The following THUMPD2 variants were observed in gnomAD, a reference collection of about 807,000 sequenced individuals.
The protein encoded by THUMPD2 is THUMP domain 2 tRNA and snRNA guanosine methyltransferase.
In THUMPD2, 56 loss-of-function variants were observed where a neutral mutation model predicts 49.4. The ratio of observed to expected loss-of-function variants is 1.13; its 90% CI spans 0.91 to 1.41. THUMPD2 has a LOEUF of 1.41. THUMPD2 is among the 40% of genes most tolerant of loss of function. The probability of loss-of-function intolerance (pLI) is 0.00; values close to 1 mark genes in which losing one functional copy is unlikely to be tolerated. For synonymous variants in THUMPD2, 237 were observed against 205.2 expected (o/e 1.15, Z -1.32); for missense variants, 709 against 594.5 (o/e 1.19, Z -2.00).
rs557549700 is a variant in THUMPD2 at position 39,760,274 on chromosome 2, T to C, written c.891+1057A>G. Among the ~76,000 whole-genome samples, 23 of 151,862 alleles carry C rather than the reference T, an allele frequency of 1.5e-4. 1 individual carries two copies. Among genetic ancestry groups the C allele is most frequent in the Admixed American group, 1.4e-3 (21 of 15,244 alleles). The stretch of plus-strand genomic sequence containing the variant: ...TCTTATGACAGGGAAGAGGGGGAAG[T>C]TGGGGAAAATTGGAGTGCCTTGGTA... On this transcript the variant is annotated intron_variant, in intron 6 of 9. Transcript: ENST00000505747.
chr2:39,779,068 G>C, intron 1 of THUMPD2, 46 bp downstream of exon 1: 1 of 1,471,964 alleles, frequency 6.8e-7, no homozygotes, highest in Non-Finnish European at 8.9e-7. Context: ...AACAGGGCAG[G>C]GACAGGGCCG....
At chr2:39,761,534 A>T in intron 5 of THUMPD2, 116 bp from the exon 6 acceptor site, 1 of 940,146 alleles carries the variant, frequency 1.1e-6, no homozygotes, top group Non-Finnish European at 1.6e-6. Context: ...CATACACTAA[A>T]GTATTCCCTA....
intron 2 of THUMPD2, 37 bp from the exon 3 acceptor site, chr2:39,770,156 C>G: frequency 2.9e-6 from 4 of 1,369,524 alleles, no homozygotes; most frequent in Non-Finnish European, 3.8e-6. Flanking sequence ...TCTATTGAAG[C>G]TTTAAAGACC....
rs1014360073 is a variant in THUMPD2, at chr2:39,757,256, C to T, written c.892-1296G>A. ...AGCAAGCAGGAACGTACCCCACTGT[C>T]AGGCCCAGTCGTGCTCGAGATAGGG... On this transcript the variant is annotated intron_variant, in intron 6 of 9. Coordinates refer to ENST00000505747, the MANE Select transcript of THUMPD2 (RefSeq NM_025264.5). 8.6e-6 allele frequency: 5 copies of T among 578,296 alleles called. No homozygotes were observed. In the African/African-American group the frequency reaches 9.7e-5, roughly 11 times the overall value. 35.8% of individuals were successfully genotyped at this position (578,296 alleles called of 1,614,324 possible). A position where few individuals can be genotyped will look rare whatever the true frequency, so the allele number is the denominator to read the frequency against.
At chr2:39,765,088 A>T (rs1329126756) in intron 5 of THUMPD2, among the ~76,000 whole-genome samples, 1 of 152,156 alleles carries the variant, frequency 6.6e-6, no homozygotes, top group Non-Finnish European at 1.5e-5. Context: ...TTTAAAAATG[A>T]GTTATTTTAT....
chr2:39,751,169 G>A (rs983637620), intron 8 of THUMPD2, among the ~76,000 whole-genome samples: 1 of 152,220 alleles, frequency 6.6e-6, no homozygotes, highest in Non-Finnish European at 1.5e-5. Flanking sequence ...AGAATACGGC[G>A]TGGGCCATAT....
chr2:39,764,777 G>C (rs1677286660), intron 5 of THUMPD2, among the ~76,000 whole-genome samples: 1 of 152,146 alleles, frequency 6.6e-6, no homozygotes, highest in Non-Finnish European at 1.5e-5. Flanking sequence ...TCATCACTGA[G>C]ACTGCTTCCT....
chr2:39,758,766 C>T (rs1037424116), intron 6 of THUMPD2, among the ~76,000 whole-genome samples: 1 of 145,936 alleles, frequency 6.9e-6, no homozygotes, highest in Non-Finnish European at 1.5e-5. Flanking sequence ...CAAAAACAAA[C>T]AAAAACCAAT....
chr2:39,754,763 T>C (rs1295932408), intron 8 of THUMPD2, among the ~76,000 whole-genome samples: 1 of 152,240 alleles, frequency 6.6e-6, no homozygotes, highest in East Asian at 1.9e-4. Context: ...GTTTTCCCTC[T>C]ACCTCACAGG....
At chr2:39,754,905 G>A (rs1035010005) in intron 8 of THUMPD2, among the ~76,000 whole-genome samples, 1 of 152,166 alleles carries the variant, frequency 6.6e-6, no homozygotes, top group Non-Finnish European at 1.5e-5. Flanking sequence ...AGGCAAGACA[G>A]TAAGATAATT....
chr2:39,760,259 G>C (rs1214283885), intron 6 of THUMPD2, among the ~76,000 whole-genome samples: 1 of 152,162 alleles, frequency 6.6e-6, no homozygotes, highest in East Asian at 1.9e-4. Context: ...TCTTATGACA[G>C]GGAAGAGGGG....
At chr2:39,744,659 G>A (rs1254538625) in intron 8 of THUMPD2, 181 bp from the exon 9 acceptor site, 2 of 438,104 alleles carry the variant, frequency 4.6e-6, no homozygotes, top group Non-Finnish European at 8.0e-6. Context: ...AATGATAAAT[G>A]ATAGTTATTG....
intron 4 of THUMPD2, among the ~76,000 whole-genome samples, chr2:39,767,212 ATATT>A (rs2148321512): frequency 6.6e-6 from 1 of 152,326 alleles, no homozygotes; most frequent in African/African-American, 2.4e-5. Context: ...TGAATTTGCT[ATATT>A]TATTTATGAG....
intron 1 of THUMPD2, among the ~76,000 whole-genome samples, chr2:39,777,752 A>T (rs1044620654): frequency 1.3e-5 from 2 of 152,118 alleles, no homozygotes; most frequent in African/African-American, 4.8e-5. Context: ...GCATTTAATT[A>T]CTCCCACTGT....
At chr2:39,765,410 G>A (rs373365788) in intron 5 of THUMPD2, among the ~76,000 whole-genome samples, 7 of 151,874 alleles carry the variant, frequency 4.6e-5, no homozygotes, top group Middle Eastern at 3.4e-3. Context: ...TGCCTGCCTC[G>A]GCGTCCCAAA....
intron 8 of THUMPD2, among the ~76,000 whole-genome samples, chr2:39,746,447 A>C (rs1009925887): frequency 6.6e-6 from 1 of 152,236 alleles, no homozygotes; most frequent in African/African-American, 2.4e-5. Flanking sequence ...AGGTACTCCT[A>C]GAACCATGAG....
chr2:39,770,063 T>A lies in THUMPD2; in HGVS notation c.319A>T (p.Asn107Tyr), dbSNP rs1022626832. The stretch of plus-strand genomic sequence containing the variant: ...AGATTTTTCCAAATTGAAATGGCAT[T>A]CAACCAACTTCCTGGATCTTCATTT... ...LINEDPGSWL[N>Y]AISIWKNLLE... The change falls in exon 3 of 10, where the codon AAT (asparagine) becomes TAT (tyrosine). Residue 107 changes from asparagine to tyrosine, a missense_variant. By Grantham distance (143) the Asn-to-Tyr change is moderately radical. Transcript: ENST00000505747. 1 of 1,558,160 alleles carries A rather than the reference T, an allele frequency of 6.4e-7. No individual in the cohort carries two copies. Among genetic ancestry groups the A allele is most frequent in the Admixed American group, 2.3e-5 (1 of 43,598 alleles).
chr2:39,747,943 A>G (rs1674826868), intron 8 of THUMPD2, among the ~76,000 whole-genome samples: 1 of 152,208 alleles, frequency 6.6e-6, no homozygotes, highest in South Asian at 2.1e-4. Flanking sequence ...TCCAATTACA[A>G]TAAGGAAAGT....
At chr2:39,745,879 C>A (rs1293788358) in intron 8 of THUMPD2, among the ~76,000 whole-genome samples, 2 of 152,166 alleles carry the variant, frequency 1.3e-5, no homozygotes, top group Non-Finnish European at 2.9e-5. Flanking sequence ...ATAAAATAAT[C>A]AAAGCTTTTC....
Sources: gnomAD v4.1 joint callset for allele counts (sites outside exome capture counted in the v4.1 genomes callset) on GRCh38, gnomAD v4.1.1 for gene constraint, MANE v1.5 for transcripts, NCBI Gene and HGNC (gene_info 2026-07-23, HGNC 2026-07-21) for gene names.